The following MKLN1 variants were observed in gnomAD, a reference collection of about 807,000 sequenced individuals.
MKLN1 encodes the protein muskelin.
In MKLN1, 18 loss-of-function variants were observed where a neutral mutation model predicts 99.0. That is an observed-to-expected ratio of 0.18 (90% CI 0.13 to 0.27). MKLN1 has a LOEUF of 0.27. MKLN1 is among the 10% of genes least tolerant of loss of function. The pLI, the probability that MKLN1 is intolerant of heterozygous loss-of-function variation, is 1.00. For missense variants in MKLN1, 621 were observed against 875.9 expected, an observed-to-expected ratio of 0.71 and a Z score of 3.67; for synonymous variants, 288 against 293.2, an observed-to-expected ratio of 0.98 and a Z score of 0.18.
At chr7:131,191,281 C>G (rs1402950024) in intron 2 of MKLN1, among the ~76,000 whole-genome samples, 1 of 152,196 alleles carries the variant, frequency 6.6e-6, no homozygotes, top group Non-Finnish European at 1.5e-5. Flanking sequence ...TGCCAGAAGG[C>G]TGCTTACTCC....
chr7:131,475,620 T>C (rs745559971), intron 16 of MKLN1, among the ~76,000 whole-genome samples: 3 of 152,124 alleles, frequency 2.0e-5, no homozygotes, highest in Non-Finnish European at 2.9e-5. Flanking sequence ...GAGACCAGCT[T>C]GGGCAACATA....
chr7:131,422,846 C>G (rs890188395), intron 8 of MKLN1, among the ~76,000 whole-genome samples: 4 of 151,978 alleles, frequency 2.6e-5, no homozygotes, highest in African/African-American at 9.7e-5. Context: ...TTCTTCCCTC[C>G]TAAGGGAATC....
intron 3 of MKLN1, among the ~76,000 whole-genome samples, chr7:131,276,507 G>A (rs985591131): frequency 6.6e-6 from 1 of 152,130 alleles, no homozygotes; most frequent in Non-Finnish European, 1.5e-5. Context: ...CGTTCCAATG[G>A]CACATGAAAG....
chr7:131,335,832 A>G (rs535435700), intron 1 of MKLN1, among the ~76,000 whole-genome samples: 2 of 151,818 alleles, frequency 1.3e-5, no homozygotes, highest in South Asian at 4.1e-4. Flanking sequence ...CTTTATTGAT[A>G]CTTATTTTAT....
At chr7:131,463,473 A>G (rs1416420826) in intron 13 of MKLN1, 109 bp downstream of exon 13, 4 of 1,178,196 alleles carry the variant, frequency 3.4e-6, no homozygotes, top group Non-Finnish European at 4.9e-6. Flanking sequence ...GTGACATTGT[A>G]TATTTAAAAG....
intron 4 of MKLN1, among the ~76,000 whole-genome samples, chr7:131,389,591 AAAGT>A (rs1272235296): frequency 6.6e-6 from 1 of 152,082 alleles, no homozygotes; most frequent in Non-Finnish European, 1.5e-5. Context: ...TTAGCTTAAG[AAAGT>A]ATTTATAATG....
chr7:131,324,577 G>A (rs183021469), upstream of MKLN1, among the ~76,000 whole-genome samples: 157 of 152,338 alleles, frequency 1.0e-3, 1 homozygote, highest in Admixed American at 2.2e-3. Flanking sequence ...AGGGAAAGAT[G>A]AGGCAGTGCC....
intron 1 of MKLN1, among the ~76,000 whole-genome samples, chr7:131,141,501 A>G (rs1023885559): frequency 6.6e-6 from 1 of 152,278 alleles, no homozygotes; most frequent in African/African-American, 2.4e-5. Context: ...TGTGGCTTGT[A>G]CATTTCTCCA....
chr7:131,428,005 C>G (rs113635619), intron 8 of MKLN1, among the ~76,000 whole-genome samples: 3,173 of 151,884 alleles, frequency 0.021, 55 homozygotes, highest in Middle Eastern at 0.044. Flanking sequence ...CTGTAACCCC[C>G]ACCCCCCCAA....
At chr7:131,428,407 T>C (rs1795423027) in intron 8 of MKLN1, among the ~76,000 whole-genome samples, 1 of 152,212 alleles carries the variant, frequency 6.6e-6, no homozygotes, top group African/African-American at 2.4e-5. Flanking sequence ...TCCCAGTTTT[T>C]ATAGGAATAT....
At chr7:131,429,912 A>G (rs1490478248) in intron 9 of MKLN1, among the ~76,000 whole-genome samples, 1 of 152,228 alleles carries the variant, frequency 6.6e-6, no homozygotes, top group Non-Finnish European at 1.5e-5. Context: ...AATTGTATAT[A>G]TGTATGCATG....
chr7:131,483,359 TAC>T (rs1330145697), intron 17 of MKLN1, among the ~76,000 whole-genome samples: 3 of 152,198 alleles, frequency 2.0e-5, no homozygotes, highest in Non-Finnish European at 4.4e-5. Flanking sequence ...AATACATCTT[TAC>T]ACACACACAA....
intron 1 of MKLN1, among the ~76,000 whole-genome samples, chr7:131,137,570 T>G (rs1795667474): frequency 6.6e-6 from 1 of 152,002 alleles, no homozygotes; most frequent in Non-Finnish European, 1.5e-5. Context: ...TTTTGTTGTG[T>G]TTTGGTTTTG....
rs111830809 is a variant in MKLN1 at position 131,402,289 on chromosome 7, A to G, written c.703+2856A>G. Among the ~76,000 whole-genome samples, 474 of 152,282 alleles carry G rather than the reference A, an allele frequency of 3.1e-3. 1 individual carries two copies. Among genetic ancestry groups the G allele is most frequent in the African/African-American group, 0.011 (452 of 41,570 alleles). On this transcript the variant is annotated intron_variant, in intron 6 of 17. Transcript: ENST00000352689. ...TAAGAAGCAATTTCTCATCCATTCA[A>G]GTTTTATCATGAGAGTGTAGCAGTT...
chr7:131,362,636 G>A (rs889741978), intron 1 of MKLN1, among the ~76,000 whole-genome samples: 1 of 151,984 alleles, frequency 6.6e-6, no homozygotes, highest in South Asian at 2.1e-4. Flanking sequence ...ATTATGTTAC[G>A]TTATAGACAG....
intron 3 of MKLN1, among the ~76,000 whole-genome samples, chr7:131,315,807 C>T (rs1798657176): frequency 6.6e-6 from 1 of 152,198 alleles, no homozygotes; most frequent in African/African-American, 2.4e-5. Context: ...GAATTCACCA[C>T]AGTGTGGCAA....
chr7:131,141,285 A>T (rs1795728896), intron 1 of MKLN1, among the ~76,000 whole-genome samples: 1 of 152,178 alleles, frequency 6.6e-6, no homozygotes, highest in Non-Finnish European at 1.5e-5. Context: ...TCATCACAAA[A>T]CAAACACGTC....
chr7:131,487,903 G>A lies in MKLN1; in HGVS notation c.*175G>A, dbSNP rs1019462720. On this transcript the variant is annotated 3_prime_UTR_variant, in exon 18 of 18. Coordinates refer to ENST00000352689, the MANE Select transcript of MKLN1 (RefSeq NM_013255.5). This position sits in a 1 kb window ranked among gnomAD's most constrained non-coding sequence, Gnocchi z 4.7. ...TTCCTTCATGCCTGACCTCAACCCC[G>A]CTCTCCTCATCCTATTCCTAAATTA... The A allele has an allele frequency of 9.5e-6, 5 of 524,026 alleles. No homozygotes were observed. The highest frequency in any genetic ancestry group is 1.2e-5 in the Non-Finnish European group (4 of 320,808). The allele number at this position is 524,026 out of a possible 1,614,324, so 32.5% of individuals were successfully genotyped here. A position where few individuals can be genotyped will look rare whatever the true frequency, so the allele number is the denominator to read the frequency against.
At chr7:131,425,291 T>TC (rs1202180326) in intron 8 of MKLN1, among the ~76,000 whole-genome samples, 1 of 144,120 alleles carries the variant, frequency 6.9e-6, no homozygotes, top group Non-Finnish European at 1.6e-5. Context: ...TGAAAAGCCC[T>TC]CTTTTTTTTT....
Sources: allele counts gnomAD v4.1 joint callset (sites outside exome capture counted in the v4.1 genomes callset), GRCh38; gene constraint gnomAD v4.1.1; non-coding constraint Gnocchi (gnomAD v3.1); transcripts MANE v1.5; gene names NCBI Gene and HGNC (gene_info 2026-07-23, HGNC 2026-07-21).